The following CLVS2 variants were observed in gnomAD, a reference collection of about 807,000 sequenced individuals.
CLVS2 encodes the protein clavesin-2.
Under a neutral mutation model 29.0 loss-of-function variants are expected in CLVS2, and 19 were observed. The observed-to-expected ratio is 0.66, with a 90% CI of 0.46 to 0.96. The LOEUF (loss-of-function observed/expected upper bound fraction) is 0.96, where lower values mean the gene tolerates loss of function less well. Ranked by LOEUF, CLVS2 falls within the 40% of genes least tolerant of loss-of-function variation. The pLI is 0.00. For synonymous variants in CLVS2, 161 were observed against 151.3 expected (o/e 1.06, Z -0.47); for missense variants, 294 against 404.1 (o/e 0.73, Z 2.34).
chr6:123,024,109 C>T (rs1395076248), intron 3 of CLVS2, among the ~76,000 whole-genome samples: 1 of 152,088 alleles, frequency 6.6e-6, no homozygotes, highest in Non-Finnish European at 1.5e-5. Context: ...AACTCACCAA[C>T]AGAAGTTTGA....
Position 122,997,996 on chromosome 6 carries a change from G to A in CLVS2, c.219G>A (p.Ala73=), listed in dbSNP as rs1489825389. 5 of 1,614,004 alleles carry A rather than the reference G, an allele frequency of 3.1e-6. No individual in the cohort carries two copies. Among genetic ancestry groups the A allele is most frequent in the African/African-American group, 2.7e-5 (2 of 74,922 alleles). Residue 73 remains alanine, a synonymous_variant, in exon 2 of 6, where the codon GCG becomes GCA. Coordinates refer to ENST00000275162, the MANE Select transcript of CLVS2 (RefSeq NM_001010852.4). ...FHHFEAFRLL[A]QYFEYRQQNL... is the part of the protein sequence containing the mutation. ...ACTTTGAGGCCTTCCGCCTCCTGGC[G>A]CAGTACTTTGAGTACCGGCAGCAGA...
In CLVS2 at chr6:123,044,669, AAAT is replaced by A. The variant is rs1336289546; in HGVS notation, c.565-3952_565-3950del. ...ATGCATTCATCTCCTGCTATTTGGT[AAAT>A]CTGCATTTGTCTCGGCTGGTAGAGG... On this transcript the variant is annotated intron_variant, in intron 3 of 5. Transcript: ENST00000275162. Among the ~76,000 whole-genome samples, 273 of 152,250 alleles carry A rather than the reference AAAT, an allele frequency of 1.8e-3. 6 individuals are homozygous for A. In the East Asian group the frequency reaches 0.041, roughly 23 times the overall value.
intron 3 of CLVS2, among the ~76,000 whole-genome samples, chr6:123,032,281 C>A (rs1286876746): frequency 6.6e-6 from 1 of 152,062 alleles, no homozygotes; most frequent in East Asian, 1.9e-4. Flanking sequence ...CCAGTTATCT[C>A]ACTATTTGTG....
At chr6:123,016,620 C>T (rs1774838327) in intron 3 of CLVS2, among the ~76,000 whole-genome samples, 3 of 152,008 alleles carry the variant, frequency 2.0e-5, no homozygotes. Context: ...GGCTTGCTGG[C>T]AAGGGGTTTG....
At chr6:123,063,110 G>A (rs1772802337) in intron 5 of CLVS2, among the ~76,000 whole-genome samples, 1 of 152,090 alleles carries the variant, frequency 6.6e-6, no homozygotes, top group African/African-American at 2.4e-5. Context: ...GATGAAGGTT[G>A]ATTTTATTTG....
At chr6:123,037,721 C>T (rs1045573744) in intron 3 of CLVS2, among the ~76,000 whole-genome samples, 3 of 151,942 alleles carry the variant, frequency 2.0e-5, no homozygotes, top group African/African-American at 7.3e-5. Context: ...ATTACTTAGT[C>T]ATTAAAAAAA....
At position 123,048,737 on chromosome 6, in the gene CLVS2, TC is replaced by T; in HGVS notation, c.675+6del. On this transcript the variant is annotated splice_donor_region_variant and intron_variant, in intron 4 of 5. Transcript: ENST00000275162. ...AAGGAGAAAACTCGGAAAAGGGTAT[TC>T]TTTTCTTTGATTTTTAATCCTTTCT... is the stretch of plus-strand genomic sequence containing the variant. 6.3e-7 allele frequency: 1 copy of T among 1,575,140 alleles called. No individual in the cohort carries two copies. The highest frequency in any genetic ancestry group is 1.3e-5 in the African/African-American group (1 of 74,200).
Position 123,040,030 on chromosome 6 carries a change from T to G in CLVS2, c.565-8592T>G, listed in dbSNP as rs556861234. On this transcript the variant is annotated intron_variant, in intron 3 of 5. Transcript: ENST00000275162. ...AGTTTTATCCTGGTATAGAGATCTATCCATACAAATACATTAACATCGTAT... is the reference window on the plus strand; with the variant it reads ...AGTTTTATCCTGGTATAGAGATCTAGCCATACAAATACATTAACATCGTAT... Among the ~76,000 whole-genome samples, 14 of 152,270 alleles carry G rather than the reference T, an allele frequency of 9.2e-5. No homozygotes were observed. In the East Asian group the frequency reaches 2.5e-3, roughly 27 times the overall value.
intron 3 of CLVS2, among the ~76,000 whole-genome samples, chr6:123,019,179 C>G (rs1324541314): frequency 1.3e-5 from 2 of 152,030 alleles, no homozygotes; most frequent in South Asian, 2.1e-4. Context: ...GGCTAGAACT[C>G]AGACAACGGA....
intron 4 of CLVS2, among the ~76,000 whole-genome samples, chr6:123,049,015 T>A (rs2114355066): frequency 6.6e-6 from 1 of 152,328 alleles, no homozygotes; most frequent in South Asian, 2.1e-4. Context: ...AAAACTCTTA[T>A]GCCATGTTAC....
At position 122,997,824 on chromosome 6, in the gene CLVS2, C is replaced by T. The variant is rs1774534119; in HGVS notation, c.47C>T (p.Ala16Val). 6.2e-7 allele frequency: 1 copy of T among 1,613,996 alleles called. No individual in the cohort carries two copies. ...AGLSPETLEK[A>V]RLELNENPDT... ...CTCTCCCCTGAGACCCTGGAGAAAGCTCGCCTGGAGCTCAATGAAAACCCA... is the reference window on the plus strand; with the variant it reads ...CTCTCCCCTGAGACCCTGGAGAAAGTTCGCCTGGAGCTCAATGAAAACCCA... The change falls in exon 2 of 6, where the codon GCT becomes GTT. Residue 16 changes from alanine to valine, a missense_variant. Physicochemically the swap from Ala to Val is moderately conservative, Grantham distance 64. This residue lies in a region of CLVS2 where 212 missense variants were observed against 336.4 expected (regional missense o/e 0.63). Coordinates refer to ENST00000275162, the MANE Select transcript of CLVS2 (RefSeq NM_001010852.4).
chr6:123,002,128 T>C (rs1043825302), intron 2 of CLVS2, among the ~76,000 whole-genome samples: 1 of 152,216 alleles, frequency 6.6e-6, no homozygotes, highest in Non-Finnish European at 1.5e-5. Context: ...ATCTGGAATC[T>C]AGTTAATGGC....
At chr6:123,013,376 A>C (rs1774780408) in intron 3 of CLVS2, among the ~76,000 whole-genome samples, 2 of 152,090 alleles carry the variant, frequency 1.3e-5, no homozygotes, top group Non-Finnish European at 2.9e-5. Context: ...GTTAGTCAGT[A>C]AAATGAAGAA....
intron 4 of CLVS2, among the ~76,000 whole-genome samples, chr6:123,052,540 A>G (rs1409932004): frequency 6.6e-6 from 1 of 152,102 alleles, no homozygotes; most frequent in Non-Finnish European, 1.5e-5. Flanking sequence ...GGATATAGAG[A>G]GGACAGTTAG....
At chr6:123,028,972 G>T (rs1226897953) in intron 3 of CLVS2, among the ~76,000 whole-genome samples, 1 of 152,090 alleles carries the variant, frequency 6.6e-6, no homozygotes, top group Non-Finnish European at 1.5e-5. Flanking sequence ...TCATAAAGGT[G>T]GAGCCCTCAT....
chr6:123,050,154 G>A (rs7763702), intron 4 of CLVS2, among the ~76,000 whole-genome samples: 17,456 of 152,080 alleles, frequency 0.11, 2,960 homozygotes, highest in African/African-American at 0.37. Context: ...ATTTATAGTA[G>A]AAATTGTTTC....
chr6:123,055,727 C>G (rs1273566620), intron 4 of CLVS2, 79 bp from the exon 5 acceptor site: 7 of 1,014,542 alleles, frequency 6.9e-6, no homozygotes, highest in Non-Finnish European at 7.8e-6. Context: ...TTGCTATCCT[C>G]ACATCCCCCC....
chr6:123,055,926 C>T lies in CLVS2; in HGVS notation c.796C>T (p.Leu266=). Residue 266 remains leucine, a synonymous_variant, in exon 5 of 6, where the codon CTA becomes TTA. Coordinates refer to ENST00000275162, the MANE Select transcript of CLVS2 (RefSeq NM_001010852.4). ...YDMGTWARTL[L]DHEYDDDSEY... ...CATGGGGACATGGGCAAGAACACTG[C>T]TAGACCATGAATATGACGATGACAG... 3.1e-6 allele frequency: 5 copies of T among 1,613,940 alleles called. No individual in the cohort carries two copies. The highest frequency in any genetic ancestry group is 4.2e-6 in the Non-Finnish European group (5 of 1,179,870).
intron 2 of CLVS2, among the ~76,000 whole-genome samples, chr6:123,003,660 AC>A (rs1470734610): frequency 6.6e-6 from 1 of 152,220 alleles, no homozygotes; most frequent in Non-Finnish European, 1.5e-5. Flanking sequence ...CATACTTTGT[AC>A]TTTTAAGCAA....
Sources: gnomAD v4.1 joint callset for allele counts (sites outside exome capture counted in the v4.1 genomes callset) on GRCh38, gnomAD v4.1.1 for gene constraint, gnomAD v4.1.1 regional missense constraint, MANE v1.5 for transcripts, NCBI Gene and HGNC (gene_info 2026-07-23, HGNC 2026-07-21) for gene names.